NIPBL: variants seen among roughly 807,000 people sequenced by gnomAD.
NIPBL encodes NIPBL cohesin loading factor.
In NIPBL, 19 loss-of-function variants were observed where a neutral mutation model predicts 321.8. The ratio of observed to expected loss-of-function variants is 0.06; its 90% CI spans 0.04 to 0.09. NIPBL has a LOEUF of 0.09. Among genes scored for constraint, NIPBL ranks in the 10% least tolerant of loss-of-function variants. NIPBL has a pLI of 1.00. For missense variants in NIPBL, 2,210 were observed against 3,327.0 expected (o/e 0.66, Z 8.26); for synonymous variants, 1,106 against 1,114.1 (o/e 0.99, Z 0.14).
At chr5:36,878,994 G>A (rs928194654) in intron 1 of NIPBL, among the ~76,000 whole-genome samples, 4 of 139,548 alleles carry the variant, frequency 2.9e-5, no homozygotes, top group African/African-American at 1.0e-4. Context: ...GCGAGTGGGG[G>A]GCATGCCAGG....
chr5:37,064,428 A>AC (rs988470710), intron 46 of NIPBL, 99 bp from the exon 47 acceptor site: 1 of 1,573,262 alleles, frequency 6.4e-7, no homozygotes. Context: ...GGAAATCCCA[A>AC]CTCCCGGCGT....
chr5:36,885,090 GTAT>G (rs1464886543), intron 1 of NIPBL: 9 of 227,894 alleles, frequency 3.9e-5, no homozygotes, highest in Admixed American at 5.2e-5. Flanking sequence ...GCCAATTTAA[GTAT>G]TATATATAAT....
Position 36,999,381 on chromosome 5 carries a change from C to T in NIPBL, c.3305-992C>T, listed in dbSNP as rs549372509. On this transcript the variant is annotated intron_variant, in intron 11 of 46. Transcript: ENST00000282516. ...CAGTATATGATTTCAAGGTAGGACA[C>T]ATCACTTCTCTGCCCTGGTTTTAAC... 9.5e-4 allele frequency among the ~76,000 whole-genome samples: 145 copies of T among 152,316 alleles called. 1 individual carries two copies. Among genetic ancestry groups the T allele is most frequent in the African/African-American group, 3.2e-3 (131 of 41,570 alleles).
chr5:36,885,717 T>C (rs1419540312), intron 1 of NIPBL: 1 of 590,358 alleles, frequency 1.7e-6, no homozygotes. Context: ...GAGACAGAGC[T>C]GGCCATGTGC....
chr5:36,880,743 A>G (rs1045877960), intron 1 of NIPBL, among the ~76,000 whole-genome samples: 1 of 152,026 alleles, frequency 6.6e-6, no homozygotes, highest in Non-Finnish European at 1.5e-5. Flanking sequence ...TCGTTTTTTC[A>G]GCAGTTGTCA....
chr5:37,063,415 A>G (rs1179952602), intron 45 of NIPBL, among the ~76,000 whole-genome samples: 1 of 152,234 alleles, frequency 6.6e-6, no homozygotes, highest in Non-Finnish European at 1.5e-5. Flanking sequence ...AATGTCTATC[A>G]GTAATTATCA....
At chr5:36,998,521 A>C (rs1187441861) in intron 11 of NIPBL, among the ~76,000 whole-genome samples, 1 of 152,146 alleles carries the variant, frequency 6.6e-6, no homozygotes, top group East Asian at 1.9e-4. Context: ...CAAGGTTGTA[A>C]AATACTAATT....
chr5:37,058,564 C>T (rs1363714277), intron 43 of NIPBL, among the ~76,000 whole-genome samples: 2 of 152,130 alleles, frequency 1.3e-5, no homozygotes, highest in Admixed American at 1.3e-4. Context: ...ACTGCTTTTC[C>T]TCATAATGAC....
intron 31 of NIPBL, among the ~76,000 whole-genome samples, 159 bp from the exon 32 acceptor site, chr5:37,027,200 G>A (rs1286447614): frequency 1.3e-5 from 2 of 152,036 alleles, no homozygotes; most frequent in Admixed American, 6.6e-5. Context: ...GTTCTGTAAC[G>A]TTGGTAAATG....
intron 32 of NIPBL, among the ~76,000 whole-genome samples, chr5:37,032,295 G>A (rs186884161): frequency 3.6e-4 from 54 of 151,974 alleles, no homozygotes; most frequent in African/African-American, 1.2e-3. Flanking sequence ...AGGAAAAAAC[G>A]GGGAGTATAC....
At chr5:36,942,177 A>G (rs971160484) in intron 1 of NIPBL, among the ~76,000 whole-genome samples, 2 of 152,070 alleles carry the variant, frequency 1.3e-5, no homozygotes, top group Admixed American at 6.6e-5. Context: ...TCATGCCTAT[A>G]ATCCCAGCTC....
intron 32 of NIPBL, among the ~76,000 whole-genome samples, chr5:37,032,036 GT>G (rs1431777003): frequency 6.6e-6 from 1 of 152,160 alleles, no homozygotes; most frequent in Non-Finnish European, 1.5e-5. Flanking sequence ...ATTACCTGGA[GT>G]TTTATTAGAA....
intron 6 of NIPBL, among the ~76,000 whole-genome samples, chr5:36,966,536 TA>T (rs1742224987): frequency 6.6e-6 from 1 of 152,094 alleles, no homozygotes; most frequent in South Asian, 2.1e-4. Flanking sequence ...TAAAAGTACA[TA>T]TTTTTCCCTT....
rs890803138 is a variant in NIPBL, at chr5:37,043,207, G to A, written c.6109-1140G>A. Among the ~76,000 whole-genome samples the A allele has an allele frequency of 5.9e-5, 9 of 152,156 alleles. No individual in the cohort carries two copies. The East Asian group carries it at 7.7e-4, about 13-fold the overall frequency. On this transcript the variant is annotated intron_variant, in intron 34 of 46. Coordinates refer to ENST00000282516, the MANE Select transcript of NIPBL (RefSeq NM_133433.4). Reference sequence around the variant, plus strand: ...GGCCAGGAATTCAAAACCAGCCTGCGCAACATAGTGAGACCCTGTCTCTAC... The same window carrying A: ...GGCCAGGAATTCAAAACCAGCCTGCACAACATAGTGAGACCCTGTCTCTAC...
intron 1 of NIPBL, among the ~76,000 whole-genome samples, chr5:36,886,717 C>G (rs1745934309): frequency 6.6e-6 from 1 of 151,710 alleles, no homozygotes; most frequent in African/African-American, 2.4e-5. Context: ...AAACCACCAC[C>G]ACAATCAGAA....
At chr5:36,979,713 T>C (rs535740665) in intron 9 of NIPBL, among the ~76,000 whole-genome samples, 1 of 151,852 alleles carries the variant, frequency 6.6e-6, no homozygotes, top group Non-Finnish European at 1.5e-5. Flanking sequence ...GAAATAAATA[T>C]ATAGGTTCCA....
At chr5:36,910,774 A>T (rs1279741362) in intron 1 of NIPBL, among the ~76,000 whole-genome samples, 2 of 152,174 alleles carry the variant, frequency 1.3e-5, no homozygotes, top group Admixed American at 1.3e-4. Context: ...ATCTATTGCT[A>T]AATAATTATA....
chr5:37,045,049 A>G (rs997117881), intron 36 of NIPBL, among the ~76,000 whole-genome samples: 3 of 152,318 alleles, frequency 2.0e-5, no homozygotes, highest in East Asian at 1.9e-4. Context: ...TAATATTTAG[A>G]ACCATTAGTA....
intron 32 of NIPBL, among the ~76,000 whole-genome samples, chr5:37,033,705 C>CACACACATATATAT (rs1415570935): frequency 3.7e-5 from 3 of 80,236 alleles, no homozygotes; most frequent in African/African-American, 1.4e-4. Context: ...CACACACACA[C>CACACACATATATAT]ATATATATAT....
Sources: gnomAD v4.1 joint callset for allele counts (sites outside exome capture counted in the v4.1 genomes callset) on GRCh38, gnomAD v4.1.1 for gene constraint, MANE v1.5 for transcripts, NCBI Gene and HGNC (gene_info 2026-07-23, HGNC 2026-07-21) for gene names.